The following RYR2 variants were observed in gnomAD, a reference collection of about 807,000 sequenced individuals.
The protein encoded by RYR2 is cardiac muscle ryanodine receptor-calcium release channel.
In RYR2, 227 loss-of-function variants were observed where a neutral mutation model predicts 601.1. That is an observed-to-expected ratio of 0.38 (90% CI 0.34 to 0.42). The LOEUF is 0.42. Among genes scored for constraint, RYR2 ranks in the 10% least tolerant of loss-of-function variants. RYR2 has a pLI of 1.00. For synonymous variants in RYR2, 2,223 were observed against 2,175.1 expected, an observed-to-expected ratio of 1.02 and a Z score of -0.61; for missense variants, 4,646 against 6,156.5, an observed-to-expected ratio of 0.75 and a Z score of 8.21.
At chr1:237,099,242 T>TA (rs1254112214) in intron 1 of RYR2, among the ~76,000 whole-genome samples, 7 of 152,044 alleles carry the variant, frequency 4.6e-5, no homozygotes, top group Non-Finnish European at 7.4e-5. Context: ...GATGGCTTTT[T>TA]AAAAAAAATA....
intron 8 of RYR2, among the ~76,000 whole-genome samples, chr1:237,386,508 G>A (rs1202345328): frequency 6.6e-6 from 1 of 152,202 alleles, no homozygotes; most frequent in Non-Finnish European, 1.5e-5. Flanking sequence ...TATTGGCGAT[G>A]TTTACTGAGA....
intron 73 of RYR2, among the ~76,000 whole-genome samples, chr1:237,721,703 C>T (rs907250205): frequency 4.0e-5 from 6 of 151,856 alleles, no homozygotes; most frequent in Admixed American, 6.6e-5. Context: ...TATTTTTAAT[C>T]GAGAAGAGGT....
chr1:237,577,465 G>T (rs1673353335), intron 29 of RYR2, among the ~76,000 whole-genome samples: 1 of 151,320 alleles, frequency 6.6e-6, no homozygotes, highest in East Asian at 1.9e-4. Flanking sequence ...GTCATCACAA[G>T]GATCCTTATA....
intron 62 of RYR2, among the ~76,000 whole-genome samples, chr1:237,682,754 C>T (rs373418163): frequency 2.0e-5 from 3 of 152,058 alleles, no homozygotes; most frequent in Non-Finnish European, 2.9e-5. Flanking sequence ...ATAGAAAAAG[C>T]GTTGGTAAAT....
At chr1:237,250,090 A>C (rs968412904) in intron 1 of RYR2, among the ~76,000 whole-genome samples, 4 of 152,202 alleles carry the variant, frequency 2.6e-5, no homozygotes, top group African/African-American at 9.6e-5. Context: ...AATGGGATGG[A>C]CTAATCTGTG....
At chr1:237,657,484 T>C (rs985135524) in intron 53 of RYR2, among the ~76,000 whole-genome samples, 1 of 151,884 alleles carries the variant, frequency 6.6e-6, no homozygotes, top group African/African-American at 2.4e-5. Context: ...TTAAATATTA[T>C]CAAAAAGCAG....
chr1:237,736,427 A>C (rs1360560167), intron 79 of RYR2, among the ~76,000 whole-genome samples: 1 of 148,354 alleles, frequency 6.7e-6, no homozygotes, highest in African/African-American at 2.5e-5. Context: ...GCACCACTGC[A>C]CTCCAGGCTG....
intron 4 of RYR2, among the ~76,000 whole-genome samples, chr1:237,357,887 A>T (rs967476540): frequency 1.3e-5 from 2 of 152,236 alleles, no homozygotes; most frequent in African/African-American, 4.8e-5. Context: ...TTTGGAAGTC[A>T]TATAATAAAA....
intron 15 of RYR2, 77 bp downstream of exon 15, chr1:237,454,651 T>C: frequency 2.0e-6 from 3 of 1,468,088 alleles, no homozygotes; most frequent in South Asian, 1.2e-5. Context: ...AAATTTTCCA[T>C]CTATTTTGAC....
chr1:237,508,739 T>C (rs568586488), intron 23 of RYR2, among the ~76,000 whole-genome samples: 77 of 127,332 alleles, frequency 6.0e-4, no homozygotes, highest in African/African-American at 2.2e-3. Flanking sequence ...GTTTTCTTTT[T>C]TTTTTTTTTT....
intron 1 of RYR2, among the ~76,000 whole-genome samples, chr1:237,077,456 A>C (rs1218550941): frequency 7.4e-6 from 1 of 134,604 alleles, no homozygotes; most frequent in Non-Finnish European, 1.7e-5. Flanking sequence ...GGAAAACAAA[A>C]AAAGGCAGGG....
intron 2 of RYR2, among the ~76,000 whole-genome samples, chr1:237,295,134 T>G (rs1692627108): frequency 6.6e-6 from 1 of 152,112 alleles, no homozygotes; most frequent in African/African-American, 2.4e-5. Context: ...GAGGATCACT[T>G]AAGCCTAGGA....
intron 1 of RYR2, among the ~76,000 whole-genome samples, chr1:237,244,428 T>C (rs1686561746): frequency 6.6e-6 from 1 of 152,100 alleles, no homozygotes; most frequent in Non-Finnish European, 1.5e-5. Flanking sequence ...TCTGCCCTTC[T>C]CTCTATCAGT....
chr1:237,692,749 A>C (rs112819699), intron 63 of RYR2, among the ~76,000 whole-genome samples: 1 of 152,116 alleles, frequency 6.6e-6, no homozygotes, highest in Non-Finnish European at 1.5e-5. Flanking sequence ...TCAGACTTCA[A>C]TCCAAATATT....
At chr1:237,619,563 A>G (rs1678849682) in intron 38 of RYR2, among the ~76,000 whole-genome samples, 1 of 152,172 alleles carries the variant, frequency 6.6e-6, no homozygotes, top group Admixed American at 6.6e-5. Context: ...TGAACTGAAG[A>G]AAATAATGCT....
intron 73 of RYR2, among the ~76,000 whole-genome samples, chr1:237,721,987 G>A (rs1228716459): frequency 6.6e-6 from 1 of 152,106 alleles, no homozygotes; most frequent in Non-Finnish European, 1.5e-5. Flanking sequence ...TGATGCTATT[G>A]AAAAGTAAAA....
At chr1:237,490,704 T>G (rs1663232953) in intron 17 of RYR2, among the ~76,000 whole-genome samples, 1 of 152,220 alleles carries the variant, frequency 6.6e-6, no homozygotes, top group African/African-American at 2.4e-5. Flanking sequence ...ATATTTGTGT[T>G]TTAACAAACT....
At chr1:237,687,951 G>A (rs1316645634) in intron 63 of RYR2, among the ~76,000 whole-genome samples, 1 of 151,976 alleles carries the variant, frequency 6.6e-6, no homozygotes, top group Non-Finnish European at 1.5e-5. Context: ...CCAAACATTG[G>A]AACGTCATAG....
At chr1:237,524,059 A>G (rs1667343890) in intron 24 of RYR2, among the ~76,000 whole-genome samples, 1 of 152,236 alleles carries the variant, frequency 6.6e-6, no homozygotes. Flanking sequence ...ACTCCTATGT[A>G]TCTACTCAAG....
Sources: allele counts gnomAD v4.1 joint callset (sites outside exome capture counted in the v4.1 genomes callset), GRCh38; gene constraint gnomAD v4.1.1; transcripts MANE v1.5; gene names NCBI Gene and HGNC (gene_info 2026-07-23, HGNC 2026-07-21).